Variants in DDX4 observed in about 807,000 individuals in gnomAD.
DDX4 encodes probable ATP-dependent RNA helicase DDX4.
Under a neutral mutation model 100.0 loss-of-function variants are expected in DDX4, and 25 were observed. The ratio of observed to expected loss-of-function variants is 0.25; its 90% CI spans 0.18 to 0.35. The LOEUF (loss-of-function observed/expected upper bound fraction) is 0.35, where lower values mean the gene tolerates loss of function less well. Ranked by LOEUF, DDX4 falls within the 10% of genes least tolerant of loss-of-function variation. The pLI, the probability that DDX4 is intolerant of heterozygous loss-of-function variation, is 1.00. For synonymous variants in DDX4, 259 were observed against 275.7 expected (o/e 0.94, Z 0.60); for missense variants, 635 against 882.4 (o/e 0.72, Z 3.55).
Position 55,763,193 on chromosome 5 carries a change from A to T in DDX4, c.224A>T (p.Lys75Met). The T allele has an allele frequency of 6.2e-7, 1 of 1,611,938 alleles. No individual in the cohort carries two copies. Among genetic ancestry groups the T allele is most frequent in the Non-Finnish European group, 8.5e-7 (1 of 1,178,266 alleles). ...TTTTCAGATGCTGGTGAGTGTAATA[A>T]GCGAGATAATACATCCACAATGGGT... ...FGNRDAGECN[K>M]RDNTSTMGGF... Residue 75 changes from lysine (K) to methionine (M), a missense_variant, in exon 5 of 22, where the codon AAG (lysine) becomes ATG (methionine). This residue lies in a region of DDX4 where 446 missense variants were observed against 540.8 expected (regional missense o/e 0.82). Transcript: ENST00000505374.
chr5:55,814,353 A>C (rs556484714), intron 19 of DDX4, among the ~76,000 whole-genome samples: 2 of 152,220 alleles, frequency 1.3e-5, no homozygotes, highest in African/African-American at 4.8e-5. Flanking sequence ...CTGTCTCTAC[A>C]TATTAGCTGT....
intron 7 of DDX4, among the ~76,000 whole-genome samples, chr5:55,769,157 G>A (rs968605294): frequency 3.9e-5 from 6 of 151,952 alleles, no homozygotes; most frequent in Non-Finnish European, 7.4e-5. Flanking sequence ...TTTCTGTTGC[G>A]GTGGCTTTTG....
At chr5:55,764,110 A>G (rs771168198) in intron 6 of DDX4, 46 bp downstream of exon 6, 6 of 1,362,192 alleles carry the variant, frequency 4.4e-6, no homozygotes, top group African/African-American at 1.4e-5. Context: ...TCAAGAGTAC[A>G]TGCTAAAAAA....
chr5:55,785,930 T>TC, intron 13 of DDX4, 59 bp downstream of exon 13: 1 of 1,228,680 alleles, frequency 8.1e-7, no homozygotes, highest in Non-Finnish European at 1.2e-6. Flanking sequence ...TTAAAATACA[T>TC]TATGTAGTTT....
rs777288263 is a variant in DDX4 at position 55,746,200 on chromosome 5, A to C, written c.106A>C (p.Arg36=). The change falls in exon 3 of 22, where the codon AGG becomes CGG. Residue 36 remains arginine (R), a synonymous_variant. Coordinates refer to ENST00000505374, the MANE Select transcript of DDX4 (RefSeq NM_024415.3). ...TGGAGAAAATGGAGACAATTTTAAC[A>C]GGACTCCAGCTTCATCATCAGGTAT... ...YSGENGDNFN[R]TPASSSEMDD... 6.2e-7 allele frequency: 1 copy of C among 1,612,378 alleles called. No individual in the cohort carries two copies. The highest frequency in any genetic ancestry group is 1.3e-5 in the African/African-American group (1 of 74,868).
At chr5:55,780,137 C>G in intron 8 of DDX4, 72 bp downstream of exon 8, 1 of 1,562,758 alleles carries the variant, frequency 6.4e-7, no homozygotes, top group Non-Finnish European at 8.7e-7. Context: ...AAATACGTAT[C>G]AAAGAAGGTT....
intron 2 of DDX4, among the ~76,000 whole-genome samples, chr5:55,739,539 A>G (rs1481392701): frequency 1.3e-5 from 2 of 152,134 alleles, no homozygotes; most frequent in African/African-American, 4.8e-5. Context: ...CAGTGGGGTA[A>G]GTTTTTTGGG....
intron 18 of DDX4, among the ~76,000 whole-genome samples, chr5:55,805,498 A>G (rs916640170): frequency 6.6e-5 from 10 of 152,028 alleles, no homozygotes; most frequent in African/African-American, 2.4e-4. Flanking sequence ...AATACGTCCC[A>G]TCAATACCTA....
At chr5:55,766,916 A>C (rs1740959374) in intron 6 of DDX4, 3 of 1,516,282 alleles carry the variant, frequency 2.0e-6, no homozygotes, top group Non-Finnish European at 2.7e-6. Context: ...CTTTCAGAAT[A>C]AACATTTCTG....
At chr5:55,808,110 C>T (rs1339543807) in intron 18 of DDX4, among the ~76,000 whole-genome samples, 2 of 152,178 alleles carry the variant, frequency 1.3e-5, no homozygotes, top group African/African-American at 2.4e-5. Context: ...TTGATTGAAT[C>T]GGCTACTGAG....
At chr5:55,809,193 G>A (rs147993207) in intron 18 of DDX4, among the ~76,000 whole-genome samples, 10,445 of 152,228 alleles carry the variant, frequency 0.069, 554 homozygotes, top group African/African-American at 0.15. Flanking sequence ...GGAGTGACCC[G>A]ATTTTCCAGG....
intron 3 of DDX4, among the ~76,000 whole-genome samples, chr5:55,748,703 G>A (rs1454448996): frequency 6.6e-6 from 1 of 151,732 alleles, no homozygotes; most frequent in African/African-American, 2.4e-5. Context: ...TGTAAGCCAA[G>A]CCAATACCTA....
intron 19 of DDX4, 152 bp downstream of exon 19, chr5:55,813,924 A>G (rs2112200675): frequency 1.0e-6 from 1 of 979,766 alleles, no homozygotes; most frequent in Non-Finnish European, 1.4e-6. Flanking sequence ...TATGAGGAAA[A>G]GGATAATACC....
At chr5:55,782,328 G>C (rs144530065) in intron 10 of DDX4, 181 of 202,964 alleles carry the variant, frequency 8.9e-4, no homozygotes, top group Middle Eastern at 6.3e-3. Context: ...TTTAAGTCCG[G>C]GTGCGGTGGC....
rs1463639428 is a variant in DDX4, at chr5:55,813,749, A to C, written c.1692A>C (p.Lys564Asn). Residue 564 changes from lysine to asparagine, a missense_variant, in exon 19 of 22, where the codon AAA (lysine) becomes AAC (asparagine). By Grantham distance (94) the Lys-to-Asn change is moderately conservative. Transcript: ENST00000505374. ...DFIATFLCQE[K>N]ISTTSIHGDR... Reference sequence around the variant, plus strand: ...TTGCAACTTTTCTTTGTCAAGAAAAAATATCAACTACAAGTATTCATGGGT... The same window carrying C: ...TTGCAACTTTTCTTTGTCAAGAAAACATATCAACTACAAGTATTCATGGGT... The C allele has an allele frequency of 1.3e-6, 2 of 1,597,450 alleles. No homozygotes were observed. The highest frequency in any genetic ancestry group is 2.7e-5 in the African/African-American group (2 of 74,164).
Position 55,747,722 on chromosome 5 carries a change from A to G in DDX4, c.127+1501A>G, listed in dbSNP as rs190618484. Among the ~76,000 whole-genome samples the G allele has an allele frequency of 2.2e-3, 329 of 152,280 alleles. 2 individuals are homozygous for G. Among genetic ancestry groups the G allele is most frequent in the Middle Eastern group, 3.4e-3 (1 of 294 alleles). On this transcript the variant is annotated intron_variant, in intron 3 of 21. Transcript: ENST00000505374. ...ACTGGAACTCTGTACTCATTGAAAA[A>G]TAACTCCCCATTTCCTCCTCTCCCC...
intron 18 of DDX4, among the ~76,000 whole-genome samples, chr5:55,801,221 T>TG (rs1743279149): frequency 6.6e-6 from 1 of 151,506 alleles, no homozygotes; most frequent in Non-Finnish European, 1.5e-5. Context: ...GGGTGTTTTT[T>TG]TTTTTTTTTT....
intron 4 of DDX4, among the ~76,000 whole-genome samples, chr5:55,762,832 T>C (rs759931897): frequency 2.0e-5 from 3 of 152,088 alleles, no homozygotes; most frequent in South Asian, 2.1e-4. Context: ...TCAATAGCAG[T>C]GACTTTCACA....
intron 3 of DDX4, among the ~76,000 whole-genome samples, chr5:55,747,389 C>CA (rs891618098): frequency 2.0e-5 from 3 of 151,230 alleles, no homozygotes; most frequent in Admixed American, 6.6e-5. Flanking sequence ...AAAACAAAAA[C>CA]AAAAAAAATT....
Sources: allele counts gnomAD v4.1 joint callset (sites outside exome capture counted in the v4.1 genomes callset), GRCh38; gene constraint gnomAD v4.1.1; regional missense constraint gnomAD v4.1.1; transcripts MANE v1.5; gene names NCBI Gene and HGNC (gene_info 2026-07-23, HGNC 2026-07-21).